TULP2: variants seen among roughly 807,000 people sequenced by gnomAD.
TULP2 encodes the protein TUB like protein 2, also known as tubby-related protein 2.
Under a neutral mutation model 60.3 loss-of-function variants are expected in TULP2, and 64 were observed. The ratio of observed to expected loss-of-function variants is 1.06; its 90% CI spans 0.87 to 1.31. The LOEUF is 1.31. Among genes scored for constraint, TULP2 ranks in the 50% most tolerant of loss-of-function variants. The probability of loss-of-function intolerance (pLI) is 0.00; values close to 1 mark genes in which losing one functional copy is unlikely to be tolerated. For missense variants in TULP2, 652 were observed against 667.0 expected (o/e 0.98, Z 0.25); for synonymous variants, 267 against 265.4 (o/e 1.01, Z -0.06).
chr19:48,881,971 T>TC (rs1472309716), intron 12 of TULP2, 61 bp downstream of exon 12: 2 of 1,609,864 alleles, frequency 1.2e-6, no homozygotes, highest in Non-Finnish European at 1.7e-6. Flanking sequence ...GTAGTTCCCT[T>TC]CCGTTCACAC....
chr19:48,897,279 GGA>G lies in TULP2; in HGVS notation c.84+64_84+65del. 1 of 1,558,074 alleles carries G rather than the reference GGA, an allele frequency of 6.4e-7. No individual in the cohort carries two copies. Among genetic ancestry groups the G allele is most frequent in the Non-Finnish European group, 8.8e-7 (1 of 1,135,504 alleles). ...TGGGAGTCCTAGAGCAAGACCTGGT[GGA>G]GAGGCCCCTGGGGAGGCACAGAAGG... is the stretch of plus-strand genomic sequence containing the variant. On this transcript the variant is annotated intron_variant, in intron 3 of 12. Coordinates refer to ENST00000221399, the MANE Select transcript of TULP2 (RefSeq NM_003323.3). The surrounding 1 kb of genome is among the most constrained non-coding windows in gnomAD (Gnocchi z 4.0).
chr19:48,888,301 C>A (rs376440173), intron 7 of TULP2, 40 bp from the exon 8 acceptor site: 4 of 1,546,624 alleles, frequency 2.6e-6, no homozygotes, highest in African/African-American at 1.4e-5. Context: ...GGACAACCAC[C>A]GGCCCAGCCT....
chr19:48,896,079 G>A lies in TULP2; in HGVS notation c.211+351C>T, dbSNP rs377037333. On this transcript the variant is annotated intron_variant, in intron 4 of 12. Transcript: ENST00000221399. ...CCCTAGACCCCGTCTCCGCAATCCC[G>A]GGTTTGGGGTGGGGGTCCCGGCTTT... Among the ~76,000 whole-genome samples the A allele has an allele frequency of 1.9e-4, 29 of 152,064 alleles. 1 individual carries two copies. The South Asian group carries it at 3.3e-3, about 17-fold the overall frequency.
At chr19:48,891,074 G>A (rs2037227751) in intron 6 of TULP2, among the ~76,000 whole-genome samples, 1 of 151,938 alleles carries the variant, frequency 6.6e-6, no homozygotes, top group South Asian at 2.1e-4. Context: ...CAGCACTTTG[G>A]GAGGCCGAGG....
At chr19:48,883,508 A>G (rs562374086) in intron 11 of TULP2, among the ~76,000 whole-genome samples, 1 of 152,284 alleles carries the variant, frequency 6.6e-6, no homozygotes, top group South Asian at 2.1e-4. Flanking sequence ...AGTCTGGATC[A>G]GACCCCTTTT....
At chr19:48,883,204 GC>G (rs1182243396) in intron 11 of TULP2, among the ~76,000 whole-genome samples, 1 of 149,046 alleles carries the variant, frequency 6.7e-6, no homozygotes, top group Non-Finnish European at 1.5e-5. Context: ...GGGCGACAGA[GC>G]AAGACTCTGT....
intron 9 of TULP2, 52 bp from the exon 10 acceptor site, chr19:48,884,098 A>G (rs1325627578): frequency 6.8e-7 from 1 of 1,460,434 alleles, no homozygotes; most frequent in Non-Finnish European, 9.6e-7. Flanking sequence ...TTACTCTTTG[A>G]GTAAGTGTCA....
chr19:48,895,023 C>T lies in TULP2; in HGVS notation c.489G>A (p.Lys163=), dbSNP rs1264251082. The T allele has an allele frequency of 3.7e-6, 6 of 1,613,512 alleles. No homozygotes were observed. The highest frequency in any genetic ancestry group is 2.2e-5 in the East Asian group (1 of 44,894). ...CAGGTCGTTGGTGGGCTTGCCAACC[C>T]TTGCGTCGGATTCTCGGAGACTGTT... is the stretch of plus-strand genomic sequence containing the variant. The part of the protein sequence containing the change: ...PFKQSPRIRR[K]GWQAHQRPGT... Residue 163 remains lysine (K), a synonymous_variant, in exon 6 of 13, where the codon AAG becomes AAA. Transcript: ENST00000221399.
intron 11 of TULP2, 147 bp downstream of exon 11, chr19:48,883,607 G>A: frequency 2.7e-6 from 2 of 745,748 alleles, no homozygotes; most frequent in East Asian, 5.2e-5. Context: ...AGACATGGAA[G>A]GCTAACAAAG....
rs555632508 is a variant in TULP2, at chr19:48,895,796, T to C, written c.212-293A>G. 2.5e-3 allele frequency among the ~76,000 whole-genome samples: 388 copies of C among 152,200 alleles called. 6 individuals are homozygous for C. Among genetic ancestry groups the C allele is most frequent in the Admixed American group, 0.024 (361 of 15,286 alleles). On this transcript the variant is annotated intron_variant, in intron 4 of 12. Transcript: ENST00000221399. Reference sequence around the variant, plus strand: ...CGGGAGGCTGAGGCAGGAGAATCGCTTGAACCCGGGAGACGGAGGTTGCGG... The same window carrying C: ...CGGGAGGCTGAGGCAGGAGAATCGCCTGAACCCGGGAGACGGAGGTTGCGG...
intron 9 of TULP2, among the ~76,000 whole-genome samples, 160 bp from the exon 10 acceptor site, chr19:48,884,206 G>A (rs916940437): frequency 5.3e-5 from 8 of 152,166 alleles, no homozygotes; most frequent in Admixed American, 5.2e-4. Flanking sequence ...GCTCACACCT[G>A]TAATCCCAGC....
Position 48,894,981 on chromosome 19 carries a change from A to C in TULP2, c.514+17T>G. The C allele has an allele frequency of 6.2e-7, 1 of 1,606,026 alleles. No homozygotes were observed. Reference sequence around the variant, plus strand: ...ACCAGGAGATCCCAGGTTTCACCCCAATGTCCCCTAAATTACCAGGTCGTT... The same window carrying C: ...ACCAGGAGATCCCAGGTTTCACCCCCATGTCCCCTAAATTACCAGGTCGTT... On this transcript the variant is annotated intron_variant, in intron 6 of 12. Transcript: ENST00000221399.
At chr19:48,882,269 G>A (rs2037141669) in intron 11 of TULP2, 66 bp from the exon 12 acceptor site, 4 of 1,578,972 alleles carry the variant, frequency 2.5e-6, no homozygotes, top group African/African-American at 1.4e-5. Context: ...GAACAGGGGC[G>A]ACTCCATCTT....
At position 48,896,682 on chromosome 19, in the gene TULP2, C is replaced by CA. The variant is rs896099027; in HGVS notation, c.85-127dup. On this transcript the variant is annotated intron_variant, in intron 3 of 12. Transcript: ENST00000221399. ...GTGAACCCCTTCCTCCACTGGGGCC[C>CA]ACACGTCCAGGCCCTCAGTTCTTCA... The CA allele has an allele frequency of 8.3e-6, 10 of 1,207,386 alleles. No homozygotes were observed. The African/African-American group carries it at 1.4e-4, about 17-fold the overall frequency. The allele number at this position is 1,207,386 out of a possible 1,614,324, so 74.8% of individuals were successfully genotyped here.
intron 12 of TULP2, 180 bp downstream of exon 12, chr19:48,881,852 C>T (rs1016858028): frequency 3.8e-6 from 3 of 786,904 alleles, no homozygotes; most frequent in Non-Finnish European, 6.0e-6. Context: ...GAGCGGTGCC[C>T]TTACTAAGCC....
intron 11 of TULP2, among the ~76,000 whole-genome samples, chr19:48,883,167 C>T (rs1250029521): frequency 2.0e-5 from 3 of 150,438 alleles, no homozygotes; most frequent in Non-Finnish European, 4.4e-5. Context: ...TGCAGTGAGC[C>T]GAGATCGCGC....
rs759744411 is a variant in TULP2 at position 48,888,154 on chromosome 19, C to T, written c.744G>A (p.Thr248=). Residue 248 remains threonine (T), a synonymous_variant, in exon 8 of 13, where the codon ACG becomes ACA. Coordinates refer to ENST00000221399, the MANE Select transcript of TULP2 (RefSeq NM_003323.3). ...CTTCGTGCCTCATATGGTCGCTGTC[C>T]GTGCCACCCTCGCCTTTCAGGGCCT... ...LSKALKGEGG[T]DSDHMRHEAS... The T allele has an allele frequency of 2.2e-5, 36 of 1,614,056 alleles. No homozygotes were observed. Among genetic ancestry groups the T allele is most frequent in the East Asian group, 1.3e-4 (6 of 44,900 alleles).
chr19:48,885,396 TC>T, intron 9 of TULP2, 51 bp downstream of exon 9: 2 of 1,480,614 alleles, frequency 1.4e-6, no homozygotes, highest in Non-Finnish European at 1.9e-6. Flanking sequence ...AGTCCCCCTG[TC>T]CCTAAGCTCC....
chr19:48,891,361 G>A lies in TULP2; in HGVS notation c.515-1730C>T, dbSNP rs193179709. Among the ~76,000 whole-genome samples, 7 of 150,282 alleles carry A rather than the reference G, an allele frequency of 4.7e-5. No homozygotes were observed. In the East Asian group the frequency reaches 5.9e-4, roughly 13 times the overall value. ...AAAATTTGTTAGGTGGGCCAGGGGC[G>A]GTGGCTCATGCCTGTAATCCCAGCA... On this transcript the variant is annotated intron_variant, in intron 6 of 12. Transcript: ENST00000221399.
Sources: gnomAD v4.1 joint callset for allele counts (sites outside exome capture counted in the v4.1 genomes callset) on GRCh38, gnomAD v4.1.1 for gene constraint, Gnocchi (gnomAD v3.1) non-coding constraint, MANE v1.5 for transcripts, NCBI Gene and HGNC (gene_info 2026-07-23, HGNC 2026-07-21) for gene names.